The following VPS13D variants were observed in gnomAD, a reference collection of about 807,000 sequenced individuals.
VPS13D encodes vacuolar protein sorting 13 homolog D.
In VPS13D, 187 loss-of-function variants were observed where a neutral mutation model predicts 461.9. The observed-to-expected ratio is 0.40, with a 90% CI of 0.36 to 0.46. The LOEUF (loss-of-function observed/expected upper bound fraction) is 0.46. Among genes scored for constraint, VPS13D ranks in the 20% least tolerant of loss-of-function variants. VPS13D has a pLI of 0.60. For missense variants in VPS13D, 4,711 were observed against 5,364.9 expected (o/e 0.88, Z 3.81); for synonymous variants, 1,951 against 1,986.3 (o/e 0.98, Z 0.47).
In VPS13D at chr1:12,366,461, C is replaced by T. The variant is rs371797128; in HGVS notation, c.10449-2007C>T. On this transcript the variant is annotated intron_variant, in intron 52 of 69. Coordinates refer to ENST00000620676, the MANE Select transcript of VPS13D (RefSeq NM_015378.4). Reference sequence around the variant, plus strand: ...TTGTCTGTTAGCATAATGTGTTCCCCGTAAGATTTTATCTGGGTGAAGGAG... The same window carrying T: ...TTGTCTGTTAGCATAATGTGTTCCCTGTAAGATTTTATCTGGGTGAAGGAG... Among the ~76,000 whole-genome samples the T allele has an allele frequency of 2.9e-4, 44 of 152,146 alleles. 3 individuals are homozygous for T. The highest frequency in any genetic ancestry group is 2.1e-3 in the Admixed American group (32 of 15,294).
At chr1:12,252,686 C>T (rs1358565646) in intron 6 of VPS13D, among the ~76,000 whole-genome samples, 1 of 150,704 alleles carries the variant, frequency 6.6e-6, no homozygotes, top group Non-Finnish European at 1.5e-5. Context: ...GCAGGAGAAT[C>T]GCTTGAACCT....
chr1:12,368,547 A>G lies in VPS13D; in HGVS notation c.10528A>G (p.Thr3510Ala). ...TACGTATAGGATCTCATTTAGTGAC[A>G]CAGATCAGTTACCTCCTCCTTTCCG... ...GATYRISFSD[T>A]DQLPPPFRID... Residue 3510 changes from threonine (T) to alanine (A), a missense_variant, in exon 53 of 70, where the codon ACA (threonine) becomes GCA (alanine). Transcript: ENST00000620676. The G allele has an allele frequency of 6.2e-7, 1 of 1,613,882 alleles. No individual in the cohort carries two copies.
chr1:12,347,554 T>G (rs1643702726), intron 44 of VPS13D, among the ~76,000 whole-genome samples: 2 of 152,194 alleles, frequency 1.3e-5, no homozygotes, highest in Non-Finnish European at 1.5e-5. Flanking sequence ...TCGATGATGA[T>G]TTATGCCTAG....
At chr1:12,337,049 CCTTT>C (rs1294085254) in intron 39 of VPS13D, 1 of 152,084 alleles carries the variant, frequency 6.6e-6, no homozygotes, top group African/African-American at 2.4e-5. Context: ...TCCCTGCCTC[CCTTT>C]CTTCCTTCCT....
chr1:12,502,242 T>C lies in VPS13D; in HGVS notation c.12794+4611T>C, dbSNP rs976995973. On this transcript the variant is annotated intron_variant, in intron 68 of 69. Coordinates refer to ENST00000620676, the MANE Select transcript of VPS13D (RefSeq NM_015378.4). This position sits in a 1 kb window ranked among gnomAD's most constrained non-coding sequence, Gnocchi z 4.3. The stretch of plus-strand genomic sequence containing the variant: ...AGTCCAGGTAGAAGGTGGAGAGGCC[T>C]GAACACAGTGGCCGTAACGATGACT... 3.3e-5 allele frequency among the ~76,000 whole-genome samples: 5 copies of C among 152,144 alleles called. No individual in the cohort carries two copies. The highest frequency in any genetic ancestry group is 5.9e-5 in the Non-Finnish European group (4 of 68,024).
At chr1:12,343,365 G>C (rs1049023338) in intron 42 of VPS13D, among the ~76,000 whole-genome samples, 1 of 151,516 alleles carries the variant, frequency 6.6e-6, no homozygotes, top group Non-Finnish European at 1.5e-5. Flanking sequence ...GTAGAGATGG[G>C]GTTTCATCAT....
intron 35 of VPS13D, 109 bp from the exon 36 acceptor site, chr1:12,327,539 T>C: frequency 1.3e-6 from 1 of 799,772 alleles, no homozygotes; most frequent in South Asian, 1.6e-5. Flanking sequence ...CAAGGCTCTC[T>C]TGGCTTCCCA....
intron 20 of VPS13D, among the ~76,000 whole-genome samples, chr1:12,281,361 T>C (rs1003269100): frequency 1.3e-5 from 2 of 149,834 alleles, no homozygotes; most frequent in Non-Finnish European, 3.0e-5. Context: ...TCTGTTCATC[T>C]AGTTTCCCTC....
At position 12,363,057 on chromosome 1, in the gene VPS13D, TC is replaced by T. The variant is rs748306260; in HGVS notation, c.10273-13del. 6.2e-7 allele frequency: 1 copy of T among 1,613,546 alleles called. No homozygotes were observed. Among genetic ancestry groups the T allele is most frequent in the South Asian group, 1.1e-5 (1 of 90,982 alleles). ...TCGACTTGTTGACTAAAGCCTGTGA[TC>T]CTATGTGTTTTAGGGAACAGCCAAT... is the stretch of plus-strand genomic sequence containing the variant. On this transcript the variant is annotated splice_polypyrimidine_tract_variant and intron_variant, in intron 51 of 69. Coordinates refer to ENST00000620676, the MANE Select transcript of VPS13D (RefSeq NM_015378.4).
intron 18 of VPS13D, among the ~76,000 whole-genome samples, chr1:12,274,186 G>C (rs1641539310): frequency 1.3e-5 from 2 of 152,144 alleles, no homozygotes; most frequent in African/African-American, 4.8e-5. Context: ...AATTACAGGT[G>C]CCCACCACTA....
intron 1 of VPS13D, among the ~76,000 whole-genome samples, chr1:12,230,392 C>T (rs1023134693): frequency 7.9e-5 from 12 of 152,202 alleles, no homozygotes; most frequent in Non-Finnish European, 1.3e-4. Context: ...AGCACAGGCT[C>T]GGGGCTGGCT....
chr1:12,235,459 C>G (rs1045817598), intron 2 of VPS13D, among the ~76,000 whole-genome samples: 2 of 152,008 alleles, frequency 1.3e-5, no homozygotes, highest in Non-Finnish European at 2.9e-5. Context: ...GCCTGTAATC[C>G]CACTACTCGG....
At chr1:12,243,751 A>G (rs757733507) in intron 3 of VPS13D, among the ~76,000 whole-genome samples, 1 of 152,244 alleles carries the variant, frequency 6.6e-6, no homozygotes, top group African/African-American at 2.4e-5. Flanking sequence ...ATGAAGCATC[A>G]GAATTCTTTA....
chr1:12,286,726 G>C, intron 21 of VPS13D, among the ~76,000 whole-genome samples: 1 of 152,244 alleles, frequency 6.6e-6, no homozygotes, highest in East Asian at 1.9e-4. Flanking sequence ...ATCATCATCT[G>C]TTAGTGACAC....
At chr1:12,245,270 A>G (rs1640511416) in intron 5 of VPS13D, among the ~76,000 whole-genome samples, 1 of 152,184 alleles carries the variant, frequency 6.6e-6, no homozygotes, top group Admixed American at 6.5e-5. Flanking sequence ...TACCTCTAGA[A>G]GTTTCTTGCA....
At chr1:12,311,677 C>A in intron 28 of VPS13D, 52 bp downstream of exon 28, 1 of 1,604,056 alleles carries the variant, frequency 6.2e-7, no homozygotes, top group South Asian at 1.1e-5. Flanking sequence ...AGCTGACGGT[C>A]ACCCTGTGTA....
At chr1:12,477,058 A>C (rs1030419835) in intron 67 of VPS13D, among the ~76,000 whole-genome samples, 2 of 152,196 alleles carry the variant, frequency 1.3e-5, no homozygotes, top group African/African-American at 4.8e-5. Flanking sequence ...CCGGAATTGG[A>C]AAGTGCCAGT....
intron 27 of VPS13D, among the ~76,000 whole-genome samples, chr1:12,309,304 G>A (rs779378381): frequency 2.0e-5 from 3 of 148,008 alleles, no homozygotes; most frequent in African/African-American, 5.0e-5. Flanking sequence ...TCCACCTCCC[G>A]GGTTCAAGCG....
intron 65 of VPS13D, among the ~76,000 whole-genome samples, chr1:12,449,986 G>A (rs941585800): frequency 9.2e-5 from 14 of 152,092 alleles, no homozygotes; most frequent in African/African-American, 3.1e-4. Flanking sequence ...TTAGCCAGGC[G>A]TGGTGGCACA....
Sources: allele counts gnomAD v4.1 joint callset (sites outside exome capture counted in the v4.1 genomes callset), GRCh38; gene constraint gnomAD v4.1.1; non-coding constraint Gnocchi (gnomAD v3.1); transcripts MANE v1.5; gene names NCBI Gene and HGNC (gene_info 2026-07-23, HGNC 2026-07-21).